The following ARHGAP26 variants were observed in gnomAD, a reference collection of about 807,000 sequenced individuals.
ARHGAP26 encodes rho GTPase-activating protein 26.
ARHGAP26 carries 38 observed loss-of-function variants against 104.8 expected under a neutral mutation model. That is an observed-to-expected ratio of 0.36 (90% CI 0.28 to 0.48). The LOEUF is 0.48. Among genes scored for constraint, ARHGAP26 ranks in the 20% least tolerant of loss-of-function variants. The pLI, the probability that ARHGAP26 is intolerant of heterozygous loss-of-function variation, is 0.99. For synonymous variants in ARHGAP26, 341 were observed against 340.0 expected, an observed-to-expected ratio of 1.00 and a Z score of -0.03; for missense variants, 704 against 947.9, an observed-to-expected ratio of 0.74 and a Z score of 3.38.
At chr5:142,944,151 G>A (rs1257841285) in intron 11 of ARHGAP26, among the ~76,000 whole-genome samples, 8 of 152,180 alleles carry the variant, frequency 5.3e-5, no homozygotes, top group Non-Finnish European at 2.9e-5. Flanking sequence ...AGAGTTAAAA[G>A]TGTAGTGTGA....
chr5:142,780,419 G>A (rs893003956), intron 1 of ARHGAP26, among the ~76,000 whole-genome samples: 7 of 152,232 alleles, frequency 4.6e-5, no homozygotes, highest in Non-Finnish European at 1.0e-4. Context: ...TTTCATAACA[G>A]TGTTTCTGAA....
At chr5:142,985,044 C>T (rs1774468645) in intron 11 of ARHGAP26, among the ~76,000 whole-genome samples, 1 of 151,956 alleles carries the variant, frequency 6.6e-6, no homozygotes, top group South Asian at 2.1e-4. Context: ...TACAGTGGGA[C>T]AAGATGTGGA....
chr5:143,125,703 C>CAATTAAA (rs1796647671), intron 18 of ARHGAP26, among the ~76,000 whole-genome samples: 3 of 152,140 alleles, frequency 2.0e-5, no homozygotes, highest in Non-Finnish European at 4.4e-5. Context: ...TTAATGAATC[C>CAATTAAA]TTTAAATGAA....
chr5:143,145,924 C>T (rs140263300), intron 19 of ARHGAP26, among the ~76,000 whole-genome samples: 63 of 152,168 alleles, frequency 4.1e-4, no homozygotes, highest in African/African-American at 1.4e-3. Flanking sequence ...ATACATGACT[C>T]GTGCAAAGGG....
chr5:143,105,954 C>A (rs1429570195), intron 17 of ARHGAP26, among the ~76,000 whole-genome samples: 3 of 149,778 alleles, frequency 2.0e-5, no homozygotes, highest in Admixed American at 6.6e-5. Flanking sequence ...TTTTTTTGGT[C>A]ATTTTTATAA....
chr5:142,844,712 G>A (rs1377751170), intron 1 of ARHGAP26, among the ~76,000 whole-genome samples: 11 of 151,964 alleles, frequency 7.2e-5, no homozygotes, highest in East Asian at 5.9e-4. Flanking sequence ...AAAATTAGCC[G>A]GGCCTGGTGG....
chr5:142,850,551 T>C (rs577886616), intron 1 of ARHGAP26, among the ~76,000 whole-genome samples: 1 of 152,344 alleles, frequency 6.6e-6, no homozygotes, highest in South Asian at 2.1e-4. Context: ...CTTTCGAAGT[T>C]ATTAGCTATA....
chr5:142,827,758 A>G (rs1466568483), intron 1 of ARHGAP26, among the ~76,000 whole-genome samples: 2 of 152,230 alleles, frequency 1.3e-5, no homozygotes, highest in Admixed American at 6.5e-5. Flanking sequence ...CAAAATGAGG[A>G]AAAAAGGACC....
intron 10 of ARHGAP26, among the ~76,000 whole-genome samples, chr5:142,926,801 G>C (rs1390780795): frequency 4.6e-5 from 7 of 152,114 alleles, no homozygotes; most frequent in Non-Finnish European, 8.8e-5. Context: ...CCCTTCTGCA[G>C]CCGTAATTTT....
intron 17 of ARHGAP26, among the ~76,000 whole-genome samples, chr5:143,083,429 G>T (rs1293305026): frequency 1.3e-5 from 2 of 152,164 alleles, no homozygotes; most frequent in African/African-American, 4.8e-5. Flanking sequence ...CCATTCTGTT[G>T]ACCACATCAT....
intron 11 of ARHGAP26, among the ~76,000 whole-genome samples, chr5:142,975,224 C>T (rs898898105): frequency 1.3e-5 from 2 of 152,160 alleles, no homozygotes; most frequent in Non-Finnish European, 2.9e-5. Context: ...AAGCTGCTCA[C>T]CCCTCCTAGG....
chr5:142,937,780 G>A (rs921155657), intron 11 of ARHGAP26, among the ~76,000 whole-genome samples: 1 of 147,958 alleles, frequency 6.8e-6, no homozygotes, highest in Non-Finnish European at 1.5e-5. Flanking sequence ...AAATGAAAAA[G>A]GCCAGTCTCA....
chr5:143,083,680 G>A (rs1380007358), intron 17 of ARHGAP26, among the ~76,000 whole-genome samples: 1 of 152,156 alleles, frequency 6.6e-6, no homozygotes, highest in African/African-American at 2.4e-5. Flanking sequence ...TGCATTTTTA[G>A]TAGAGATAGG....
chr5:143,135,257 T>A (rs1172262803), intron 19 of ARHGAP26, among the ~76,000 whole-genome samples: 2 of 152,220 alleles, frequency 1.3e-5, no homozygotes, highest in Non-Finnish European at 2.9e-5. Context: ...CATTCTCCTT[T>A]TCTGCAAAAT....
chr5:142,892,361 A>C (rs1350427255), intron 5 of ARHGAP26, among the ~76,000 whole-genome samples: 1 of 151,990 alleles, frequency 6.6e-6, no homozygotes, highest in Non-Finnish European at 1.5e-5. Context: ...CAGATCCACC[A>C]GGACAGAAAT....
At chr5:143,207,129 A>G (rs2074636) in intron 20 of ARHGAP26, 69 bp from the exon 21 acceptor site, 524,518 of 1,561,128 alleles carry the variant, frequency 0.34, 92,430 homozygotes, top group South Asian at 0.52. Flanking sequence ...CTGGCCTCCC[A>G]TGACCTCCTG....
At chr5:142,991,278 TCTC>T (rs1455187987) in intron 11 of ARHGAP26, among the ~76,000 whole-genome samples, 1 of 152,174 alleles carries the variant, frequency 6.6e-6, no homozygotes, top group East Asian at 1.9e-4. Flanking sequence ...CAGGATATAA[TCTC>T]CTGGTGTGCC....
chr5:143,042,448 A>G (rs1160133739), intron 14 of ARHGAP26, among the ~76,000 whole-genome samples: 1 of 152,246 alleles, frequency 6.6e-6, no homozygotes, highest in East Asian at 1.9e-4. Flanking sequence ...CCACTGGCTG[A>G]TATAAATACA....
intron 11 of ARHGAP26, among the ~76,000 whole-genome samples, chr5:142,940,805 G>A (rs773037033): frequency 2.0e-5 from 3 of 151,954 alleles, no homozygotes; most frequent in Admixed American, 6.5e-5. Flanking sequence ...GGCCAGGTGC[G>A]GTGGCTCATG....
Sources: allele counts gnomAD v4.1 joint callset (sites outside exome capture counted in the v4.1 genomes callset), GRCh38; gene constraint gnomAD v4.1.1; transcripts MANE v1.5; gene names NCBI Gene and HGNC (gene_info 2026-07-23, HGNC 2026-07-21).